The following NELL1 variants were observed in gnomAD, a reference collection of about 807,000 sequenced individuals.
The protein encoded by NELL1 is neural EGFL like 1, also known as protein kinase C-binding protein NELL1.
NELL1 carries 76 observed loss-of-function variants against 107.4 expected under a neutral mutation model. That is an observed-to-expected ratio of 0.71 (90% confidence interval 0.59 to 0.86). NELL1 has a LOEUF of 0.86. NELL1 is among the 40% of genes least tolerant of loss of function. The pLI is 0.00. For synonymous variants in NELL1, 353 were observed against 341.2 expected (o/e 1.03, Z -0.38); for missense variants, 1,024 against 1,005.5 (o/e 1.02, Z -0.25).
chr11:20,846,759 G>T (rs1848708295), intron 3 of NELL1, among the ~76,000 whole-genome samples: 1 of 152,130 alleles, frequency 6.6e-6, no homozygotes, highest in Non-Finnish European at 1.5e-5. Context: ...GCAAGCCCTG[G>T]CAGTGAGATC....
intron 13 of NELL1, among the ~76,000 whole-genome samples, chr11:21,161,823 A>G (rs1856376978): frequency 6.6e-6 from 1 of 151,978 alleles, no homozygotes; most frequent in Non-Finnish European, 1.5e-5. Context: ...TTATACTTAT[A>G]GCACATCTTA....
chr11:21,402,888 T>C (rs1405034748), intron 15 of NELL1, among the ~76,000 whole-genome samples: 2 of 151,818 alleles, frequency 1.3e-5, no homozygotes, highest in East Asian at 2.0e-4. Context: ...GAGCTGAATA[T>C]TGCCATTCTC....
chr11:21,503,422 C>G (rs1167057686), intron 15 of NELL1, among the ~76,000 whole-genome samples: 2 of 152,124 alleles, frequency 1.3e-5, no homozygotes, highest in African/African-American at 4.8e-5. Flanking sequence ...AAATGTGTTT[C>G]TCATTAAATA....
chr11:20,943,910 A>T (rs1424601054), intron 10 of NELL1, among the ~76,000 whole-genome samples: 1 of 152,216 alleles, frequency 6.6e-6, no homozygotes, highest in Admixed American at 6.5e-5. Flanking sequence ...TGGCCCATTG[A>T]TTCCCTTGAT....
intron 14 of NELL1, among the ~76,000 whole-genome samples, chr11:21,274,612 C>T (rs1052937754): frequency 1.3e-5 from 2 of 152,226 alleles, no homozygotes; most frequent in African/African-American, 4.8e-5. Context: ...CTCAACACCA[C>T]ATTGCACTTA....
chr11:21,342,541 G>A (rs942852548), intron 14 of NELL1, among the ~76,000 whole-genome samples: 1 of 151,436 alleles, frequency 6.6e-6, no homozygotes, highest in African/African-American at 2.4e-5. Context: ...CTACCTGGGA[G>A]ACTAAGGAGG....
At chr11:21,570,663 T>C in intron 17 of NELL1, 101 bp from the exon 18 acceptor site, 1 of 1,015,026 alleles carries the variant, frequency 9.9e-7, no homozygotes. Context: ...GAATGAGAGG[T>C]GGCCAGGGGG....
chr11:21,384,782 T>G (rs1433875098), intron 15 of NELL1, among the ~76,000 whole-genome samples: 3 of 151,998 alleles, frequency 2.0e-5, no homozygotes, highest in African/African-American at 7.2e-5. Flanking sequence ...GAACTCATCA[T>G]TTTTTATGGC....
At chr11:20,780,247 T>C (rs1856827210) in intron 2 of NELL1, among the ~76,000 whole-genome samples, 1 of 152,170 alleles carries the variant, frequency 6.6e-6, no homozygotes, top group Non-Finnish European at 1.5e-5. Flanking sequence ...GATCAGACTG[T>C]TAAGTGGGGG....
intron 15 of NELL1, among the ~76,000 whole-genome samples, chr11:21,391,100 C>T (rs1479568605): frequency 6.6e-6 from 1 of 151,774 alleles, no homozygotes; most frequent in Non-Finnish European, 1.5e-5. Flanking sequence ...TGTTTTTATT[C>T]TTCCTTTCTA....
intron 13 of NELL1, among the ~76,000 whole-genome samples, chr11:21,131,163 G>C (rs181159896): frequency 1.3e-5 from 2 of 151,924 alleles, no homozygotes; most frequent in African/African-American, 2.4e-5. Flanking sequence ...CCACCTACCC[G>C]TTTGTTCACT....
chr11:21,053,310 C>G (rs552276878), intron 12 of NELL1, among the ~76,000 whole-genome samples: 35 of 152,214 alleles, frequency 2.3e-4, no homozygotes, highest in South Asian at 8.3e-4. Context: ...GTGATGTTCC[C>G]TTCCCTGTGT....
chr11:21,450,827 T>A (rs906463411), intron 15 of NELL1, among the ~76,000 whole-genome samples: 2 of 152,164 alleles, frequency 1.3e-5, no homozygotes, highest in Non-Finnish European at 2.9e-5. Context: ...TCTGTTTTTT[T>A]AATGAGTATA....
intron 9 of NELL1, among the ~76,000 whole-genome samples, chr11:20,937,011 T>C (rs953344306): frequency 2.0e-5 from 3 of 152,178 alleles, no homozygotes; most frequent in Non-Finnish European, 4.4e-5. Flanking sequence ...CTTGCTTCTT[T>C]TTTTCCTGTT....
intron 13 of NELL1, among the ~76,000 whole-genome samples, chr11:21,135,138 T>C (rs899379194): frequency 7.9e-5 from 12 of 152,222 alleles, no homozygotes; most frequent in Non-Finnish European, 1.2e-4. Context: ...TTTATCATTG[T>C]GATATTTACT....
intron 15 of NELL1, among the ~76,000 whole-genome samples, chr11:21,518,583 A>G (rs1300063385): frequency 6.6e-6 from 1 of 152,230 alleles, no homozygotes; most frequent in Non-Finnish European, 1.5e-5. Flanking sequence ...CATTCAGAAT[A>G]GAATTCTTAA....
At chr11:21,491,629 C>T (rs1423613275) in intron 15 of NELL1, among the ~76,000 whole-genome samples, 1 of 152,060 alleles carries the variant, frequency 6.6e-6, no homozygotes, top group African/African-American at 2.4e-5. Flanking sequence ...AGTCAGGTAG[C>T]ATGATGTCTC....
chr11:21,572,463 C>T (rs926401746), intron 18 of NELL1, among the ~76,000 whole-genome samples: 2 of 129,684 alleles, frequency 1.5e-5, no homozygotes, highest in Middle Eastern at 3.6e-3. Context: ...GATGACTGAA[C>T]AATTAAATAA....
intron 15 of NELL1, among the ~76,000 whole-genome samples, chr11:21,394,559 T>G (rs1391316664): frequency 1.3e-5 from 2 of 151,436 alleles, no homozygotes; most frequent in African/African-American, 4.8e-5. Context: ...ATTGTCCTTG[T>G]ATATAAAGTA....
Sources: gnomAD v4.1 joint callset for allele counts (sites outside exome capture counted in the v4.1 genomes callset) on GRCh38, gnomAD v4.1.1 for gene constraint, MANE v1.5 for transcripts, NCBI Gene and HGNC (gene_info 2026-07-23, HGNC 2026-07-21) for gene names.